Variants in SNTG1 observed in about 807,000 individuals in gnomAD.
SNTG1 encodes the protein syntrophin gamma 1.
SNTG1 carries 39 observed loss-of-function variants against 74.7 expected under a neutral mutation model. That is an observed-to-expected ratio of 0.52 (90% confidence interval 0.40 to 0.68). SNTG1 has a LOEUF of 0.68. Among genes scored for constraint, SNTG1 ranks in the 30% least tolerant of loss-of-function variants. SNTG1 has a pLI of 0.00. For missense variants in SNTG1, 685 were observed against 609.5 expected (o/e 1.12, Z -1.30); for synonymous variants, 254 against 217.1 (o/e 1.17, Z -1.49).
chr8:50,755,312 G>A (rs550056291), intron 18 of SNTG1, among the ~76,000 whole-genome samples: 5 of 148,654 alleles, frequency 3.4e-5, no homozygotes, highest in Non-Finnish European at 5.9e-5. Flanking sequence ...ACTTGTCTCC[G>A]TACTTTTTCC....
intron 1 of SNTG1, among the ~76,000 whole-genome samples, chr8:49,928,470 A>G (rs1041090717): frequency 2.0e-5 from 3 of 151,950 alleles, no homozygotes; most frequent in African/African-American, 7.3e-5. Context: ...ACCTCAGGTG[A>G]TCCTCCCACC....
intron 15 of SNTG1, among the ~76,000 whole-genome samples, chr8:50,671,814 A>G (rs1487407977): frequency 6.6e-6 from 1 of 151,894 alleles, no homozygotes; most frequent in Non-Finnish European, 1.5e-5. Flanking sequence ...ACAATCATAG[A>G]CTGGATTAAG....
At chr8:50,248,137 G>A (rs2086484304) in intron 2 of SNTG1, among the ~76,000 whole-genome samples, 1 of 152,050 alleles carries the variant, frequency 6.6e-6, no homozygotes, top group Non-Finnish European at 1.5e-5. Context: ...ATTTTAAGTT[G>A]ATTAGTTCTG....
chr8:50,263,397 A>G (rs1314798163), intron 2 of SNTG1, among the ~76,000 whole-genome samples: 1 of 152,172 alleles, frequency 6.6e-6, no homozygotes, highest in Non-Finnish European at 1.5e-5. Flanking sequence ...ATGTTATTAA[A>G]TATAAATGGA....
At chr8:49,979,185 G>A (rs1812448440) in intron 1 of SNTG1, among the ~76,000 whole-genome samples, 1 of 152,232 alleles carries the variant, frequency 6.6e-6, no homozygotes. Context: ...CAGCAGGGCA[G>A]TTCACAATGG....
chr8:50,045,845 G>T (rs1222913891), intron 1 of SNTG1, among the ~76,000 whole-genome samples: 1 of 152,150 alleles, frequency 6.6e-6, no homozygotes, highest in Non-Finnish European at 1.5e-5. Flanking sequence ...TTTTAGTTCT[G>T]TTGAGAACAA....
intron 2 of SNTG1, among the ~76,000 whole-genome samples, chr8:50,347,870 G>A (rs1457763343): frequency 6.6e-6 from 1 of 152,094 alleles, no homozygotes; most frequent in African/African-American, 2.4e-5. Flanking sequence ...ATAGAGTTGT[G>A]GGGAAATAAC....
chr8:50,217,245 T>C (rs915530140), intron 2 of SNTG1, among the ~76,000 whole-genome samples: 4 of 152,104 alleles, frequency 2.6e-5, no homozygotes, highest in Admixed American at 6.6e-5. Context: ...TTGTTTCATA[T>C]TGATGATGTA....
intron 2 of SNTG1, among the ~76,000 whole-genome samples, chr8:50,379,324 AG>A (rs905396988): frequency 1.3e-5 from 2 of 152,086 alleles, no homozygotes; most frequent in African/African-American, 2.4e-5. Context: ...CTATGAAAGC[AG>A]GGGGGGCCTT....
At chr8:50,070,144 C>A (rs978501235) in intron 1 of SNTG1, among the ~76,000 whole-genome samples, 1 of 152,078 alleles carries the variant, frequency 6.6e-6, no homozygotes, top group Admixed American at 6.5e-5. Flanking sequence ...TAATGCAAAT[C>A]AATCTTTTTA....
At chr8:50,568,636 C>G (rs1450838625) in intron 12 of SNTG1, among the ~76,000 whole-genome samples, 1 of 152,038 alleles carries the variant, frequency 6.6e-6, no homozygotes, top group Non-Finnish European at 1.5e-5. Flanking sequence ...TATTTCTTCT[C>G]TTAAGAAATA....
intron 2 of SNTG1, among the ~76,000 whole-genome samples, chr8:50,368,300 T>C (rs1587344388): frequency 6.6e-6 from 1 of 152,292 alleles, no homozygotes; most frequent in Non-Finnish European, 1.5e-5. Flanking sequence ...CTTGGCTATT[T>C]ACCAGATACA....
intron 17 of SNTG1, among the ~76,000 whole-genome samples, chr8:50,734,635 C>T (rs1268442655): frequency 6.7e-6 from 1 of 148,932 alleles, no homozygotes; most frequent in South Asian, 2.1e-4. Context: ...CTTTCGCTCT[C>T]TCATCTCTTT....
intron 17 of SNTG1, among the ~76,000 whole-genome samples, chr8:50,714,503 T>G (rs988774867): frequency 2.0e-5 from 3 of 152,146 alleles, no homozygotes; most frequent in African/African-American, 7.2e-5. Flanking sequence ...GCTATTCCCA[T>G]CAAGCTACCC....
intron 1 of SNTG1, among the ~76,000 whole-genome samples, chr8:50,002,553 AG>A (rs1814840387): frequency 6.6e-6 from 1 of 152,124 alleles, no homozygotes; most frequent in Non-Finnish European, 1.5e-5. Flanking sequence ...TATTTTAGAA[AG>A]AAATATAAAA....
intron 1 of SNTG1, among the ~76,000 whole-genome samples, chr8:49,924,386 G>T (rs1170783629): frequency 6.6e-6 from 1 of 152,054 alleles, no homozygotes; most frequent in East Asian, 1.9e-4. Flanking sequence ...AATGATCAGG[G>T]GCAAATACAG....
At chr8:50,162,730 T>C (rs1474085119) in intron 1 of SNTG1, among the ~76,000 whole-genome samples, 2 of 151,918 alleles carry the variant, frequency 1.3e-5, no homozygotes, top group African/African-American at 4.8e-5. Context: ...TGAAGCTGAG[T>C]CCTCTGTCCT....
intron 1 of SNTG1, among the ~76,000 whole-genome samples, chr8:49,993,377 T>TG (rs1420539104): frequency 6.6e-6 from 1 of 151,574 alleles, no homozygotes; most frequent in Non-Finnish European, 1.5e-5. Flanking sequence ...AGGTTTTTTT[T>TG]TTGTCGTCGT....
intron 18 of SNTG1, among the ~76,000 whole-genome samples, 177 bp from the exon 19 acceptor site, chr8:50,792,478 TATTGAAATAAATTTTC>T (rs2095693820): frequency 6.6e-6 from 1 of 151,940 alleles, no homozygotes; most frequent in Admixed American, 6.6e-5. Flanking sequence ...ATCCACCATG[TATTGAAATAAATTTTC>T]ACTACTTACG....
Sources: allele counts gnomAD v4.1 joint callset (sites outside exome capture counted in the v4.1 genomes callset), GRCh38; gene constraint gnomAD v4.1.1; transcripts MANE v1.5; gene names NCBI Gene and HGNC (gene_info 2026-07-23, HGNC 2026-07-21).